Variants in ST6GAL1 observed in about 807,000 individuals in gnomAD.
ST6GAL1 encodes the protein beta-galactoside alpha-2,6-sialyltransferase 1.
In ST6GAL1, 20 loss-of-function variants were observed where a neutral mutation model predicts 38.0. The observed-to-expected ratio is 0.53, with a 90% CI of 0.37 to 0.77. The LOEUF (loss-of-function observed/expected upper bound fraction) is 0.77, where lower values mean the gene tolerates loss of function less well. ST6GAL1 is among the 30% of genes least tolerant of loss of function. The pLI, the probability that ST6GAL1 is intolerant of heterozygous loss-of-function variation, is 0.00. For missense variants in ST6GAL1, 432 were observed against 496.4 expected (o/e 0.87, Z 1.23); for synonymous variants, 196 against 188.2 (o/e 1.04, Z -0.34).
chr3:186,957,142 CAAAG>C (rs1173525350), intron 1 of ST6GAL1, among the ~76,000 whole-genome samples: 1 of 151,996 alleles, frequency 6.6e-6, no homozygotes, highest in Non-Finnish European at 1.5e-5. Context: ...TGCAGAAAGT[CAAAG>C]AAAGAAAGAA....
chr3:186,932,147 G>C lies in ST6GAL1; in HGVS notation c.-325+1313G>C, dbSNP rs528898527. 3.9e-5 allele frequency among the ~76,000 whole-genome samples: 6 copies of C among 152,318 alleles called. No homozygotes were observed. In the East Asian group the frequency reaches 1.2e-3, roughly 29 times the overall value. On this transcript the variant is annotated intron_variant, in intron 1 of 7. Coordinates refer to ENST00000169298, the MANE Select transcript of ST6GAL1 (RefSeq NM_173216.2). ...GCTGAAGATTAACCTGTCCCCGGGG[G>C]GGGAACTGGAGAGCCTCCAATCCTA...
intron 5 of ST6GAL1, among the ~76,000 whole-genome samples, chr3:187,065,284 G>A (rs1012735261): frequency 3.9e-5 from 6 of 152,184 alleles, no homozygotes; most frequent in Admixed American, 6.5e-5. Flanking sequence ...ACAGGCATGA[G>A]CCACTGCGCC....
chr3:187,049,775 T>G (rs1264123777), intron 4 of ST6GAL1, among the ~76,000 whole-genome samples: 1 of 152,256 alleles, frequency 6.6e-6, no homozygotes, highest in Non-Finnish European at 1.5e-5. Context: ...TATTCATCTG[T>G]GAAATGGAAA....
At chr3:186,941,604 G>A (rs960936931) in intron 1 of ST6GAL1, among the ~76,000 whole-genome samples, 3 of 152,118 alleles carry the variant, frequency 2.0e-5, no homozygotes, top group Non-Finnish European at 4.4e-5. Context: ...GGGTGAGGAG[G>A]GGAAAGAGTT....
intron 2 of ST6GAL1, among the ~76,000 whole-genome samples, chr3:186,993,535 C>G (rs1020878379): frequency 6.6e-6 from 1 of 151,788 alleles, no homozygotes; most frequent in Non-Finnish European, 1.5e-5. Context: ...CTCTGCTTCT[C>G]AGTTAGATAA....
intron 4 of ST6GAL1, 48 bp from the exon 5 acceptor site, chr3:187,051,201 A>G (rs373640995): frequency 1.1e-5 from 16 of 1,518,008 alleles, no homozygotes; most frequent in African/African-American, 9.7e-5. Context: ...CTTTTTCTGC[A>G]TATTGCCAGT....
chr3:187,024,403 ATATATATATATACACACACACATATACTC>A (rs1717443660), intron 2 of ST6GAL1, among the ~76,000 whole-genome samples: 5 of 141,088 alleles, frequency 3.5e-5, no homozygotes, highest in African/African-American at 1.1e-4. Context: ...TAAATGTTTT[ATATATATATATACACACACACATATACTC>A]TATATATATA....
chr3:187,055,673 G>A (rs1272117227), intron 5 of ST6GAL1, among the ~76,000 whole-genome samples: 2 of 152,172 alleles, frequency 1.3e-5, no homozygotes. Flanking sequence ...CTGAGAGACA[G>A]TTTGTTATGA....
At chr3:187,017,905 C>G (rs1717170448) in intron 2 of ST6GAL1, among the ~76,000 whole-genome samples, 1 of 152,186 alleles carries the variant, frequency 6.6e-6, no homozygotes, top group African/African-American at 2.4e-5. Flanking sequence ...TTTGAATAAT[C>G]AGACCCACGT....
At chr3:187,030,635 T>C (rs962324355) in intron 2 of ST6GAL1, among the ~76,000 whole-genome samples, 2 of 152,126 alleles carry the variant, frequency 1.3e-5, no homozygotes, top group African/African-American at 2.4e-5. Flanking sequence ...GGTTTCACCG[T>C]GTTGGCTAGG....
Position 187,043,263 on chromosome 3 carries a change from T to A in ST6GAL1, c.560T>A (p.Val187Glu). Residue 187 changes from valine to glutamate, a missense_variant, in exon 4 of 8, where the codon GTG becomes GAG. Physicochemically the swap from Val to Glu is moderately radical, Grantham distance 121 (BLOSUM62 -2). Coordinates refer to ENST00000169298, the MANE Select transcript of ST6GAL1 (RefSeq NM_173216.2). ...KAGPWGRCAV[V>E]SSAGSLKSSQ... The stretch of plus-strand genomic sequence containing the variant: ...GGGCCTTGGGGCAGGTGTGCTGTTG[T>A]GTCGTCAGCGGGATCTCTGAAGTCC... 6.2e-7 allele frequency: 1 copy of A among 1,614,190 alleles called. No homozygotes were observed. Among genetic ancestry groups the A allele is most frequent in the Non-Finnish European group, 8.5e-7 (1 of 1,180,030 alleles).
At chr3:186,989,257 G>C (rs1031144795) in intron 2 of ST6GAL1, among the ~76,000 whole-genome samples, 1 of 152,150 alleles carries the variant, frequency 6.6e-6, no homozygotes, top group Non-Finnish European at 1.5e-5. Context: ...GTTTAGAAGA[G>C]TGCCATAGTC....
intron 4 of ST6GAL1, among the ~76,000 whole-genome samples, chr3:187,045,095 T>TC (rs1718249635): frequency 6.6e-6 from 1 of 152,212 alleles, no homozygotes; most frequent in South Asian, 2.1e-4. Flanking sequence ...CCCATACACT[T>TC]CCTCCTGCAT....
intron 3 of ST6GAL1, chr3:187,041,776 C>T (rs964384921): frequency 3.3e-5 from 5 of 152,190 alleles, no homozygotes; most frequent in African/African-American, 9.7e-5. Context: ...GAACCCTGTA[C>T]AGGTTAGGAG....
chr3:187,051,434 G>GATAT, intron 5 of ST6GAL1, 88 bp downstream of exon 5: 12 of 1,211,914 alleles, frequency 9.9e-6, no homozygotes, highest in African/African-American at 1.5e-5. Context: ...AGCATATCTA[G>GATAT]GCTGCCAATT....
chr3:187,060,320 C>T (rs1375623742), intron 5 of ST6GAL1, among the ~76,000 whole-genome samples: 2 of 152,102 alleles, frequency 1.3e-5, no homozygotes, highest in African/African-American at 4.8e-5. Context: ...ACAACCATGC[C>T]CGACTAATTT....
chr3:187,029,033 C>T (rs1392709872), intron 2 of ST6GAL1, among the ~76,000 whole-genome samples: 1 of 145,572 alleles, frequency 6.9e-6, no homozygotes, highest in African/African-American at 2.6e-5. Flanking sequence ...TTGCGGTGAA[C>T]AGAGATTGTG....
intron 1 of ST6GAL1, among the ~76,000 whole-genome samples, chr3:186,944,085 G>A (rs1714273357): frequency 6.6e-6 from 1 of 152,154 alleles, no homozygotes; most frequent in South Asian, 2.1e-4. Context: ...TTGGTTCTAG[G>A]GTTCACCTTC....
chr3:186,989,035 C>A (rs1040629429), intron 2 of ST6GAL1, among the ~76,000 whole-genome samples: 6 of 152,190 alleles, frequency 3.9e-5, no homozygotes, highest in Non-Finnish European at 8.8e-5. Context: ...CAGAAACTTT[C>A]AGTATTTGCA....
Sources: allele counts gnomAD v4.1 joint callset (sites outside exome capture counted in the v4.1 genomes callset), GRCh38; gene constraint gnomAD v4.1.1; transcripts MANE v1.5; gene names NCBI Gene and HGNC (gene_info 2026-07-23, HGNC 2026-07-21).